The following KLHL15 variants were observed in gnomAD, a reference collection of about 807,000 sequenced individuals.
The protein encoded by KLHL15 is kelch like family member 15, also known as kelch-like protein 15.
A neutral mutation model predicts 29.3 loss-of-function variants in KLHL15; 1 was observed. The observed-to-expected ratio is 0.03, with a 90% CI of 0.01 to 0.16. The LOEUF (loss-of-function observed/expected upper bound fraction) is 0.16. Ranked by LOEUF, KLHL15 falls within the 10% of genes least tolerant of loss-of-function variation. The pLI is 1.00. For synonymous variants in KLHL15, 212 were observed against 184.5 expected (o/e 1.15, Z -1.21); for missense variants, 215 against 478.5 (o/e 0.45, Z 5.14).
chrX:24,004,725 G>GT lies in KLHL15; in HGVS notation c.705+1263dup, dbSNP rs1379846680. Reference sequence around the variant, plus strand: ...GAATCGCTTGAACCTGGGAGGCAGAGTTTGCAGCGAGCCAAGATCACGCCA... The same window carrying GT: ...GAATCGCTTGAACCTGGGAGGCAGAGTTTTGCAGCGAGCCAAGATCACGCCA... On this transcript the variant is annotated intron_variant, in intron 3 of 3. Coordinates refer to ENST00000328046, the MANE Select transcript of KLHL15 (RefSeq NM_030624.3). Among the ~76,000 whole-genome samples, 89 of 107,078 alleles carry GT rather than the reference G, an allele frequency of 8.3e-4. No homozygotes were observed. In the Admixed American group the frequency reaches 9.0e-3, roughly 11 times the overall value. The allele number at this position is 107,078 out of a possible 115,157, so 93.0% of individuals were successfully genotyped here. A position where few individuals can be genotyped will look rare whatever the true frequency, so the allele number is the denominator to read the frequency against.
intron 2 of KLHL15, among the ~76,000 whole-genome samples, chrX:24,009,055 T>G (rs777086646): frequency 1.8e-5 from 2 of 111,122 alleles, no homozygotes; most frequent in East Asian, 5.6e-4. Context: ...TCTCAAACAT[T>G]TGATGAAGAC....
intron 3 of KLHL15, among the ~76,000 whole-genome samples, chrX:23,998,210 C>T (rs1274384835): frequency 1.8e-5 from 2 of 111,328 alleles, no homozygotes; most frequent in Non-Finnish European, 3.8e-5. Flanking sequence ...ATCCGCCCGC[C>T]TTGGCTTCCC....
chrX:23,996,254 C>T (rs1234058279), intron 3 of KLHL15, among the ~76,000 whole-genome samples: 4 of 111,701 alleles, frequency 3.6e-5, no homozygotes, highest in Non-Finnish European at 7.5e-5. Context: ...CCTAATCGCT[C>T]GAATGACAAG....
chrX:23,988,990 C>T lies in KLHL15; in HGVS notation c.746G>A (p.Arg249His), dbSNP rs948817983. The T allele has an allele frequency of 8.3e-7, 1 of 1,208,449 alleles. No homozygotes were observed. ...ATTCAATGCTTGGTCAACTTCGTAACGGAGCTGTCGGGAGTATCTATAAAA... is the reference window on the plus strand; with the variant it reads ...ATTCAATGCTTGGTCAACTTCGTAATGGAGCTGTCGGGAGTATCTATAAAA... ...SEFYRYSRQL[R>H]YEVDQALNYF... The change falls in exon 4 of 4, where the codon CGT (arginine) becomes CAT (histidine). Residue 249 changes from arginine to histidine, a missense_variant. Arg to His is a conservative substitution (Grantham distance 29). Transcript: ENST00000328046.
At chrX:23,990,412 T>A (rs942205802) in intron 3 of KLHL15, among the ~76,000 whole-genome samples, 7 of 111,053 alleles carry the variant, frequency 6.3e-5, no homozygotes, top group Non-Finnish European at 1.3e-4. Context: ...GTGGAAGATA[T>A]AAGAAGTAGG....
Position 24,006,100 on chromosome X carries a change from G to A in KLHL15, c.594C>T (p.Tyr198=). The part of the protein sequence containing the change: ...HLSRFPEIEL[Y]EAVQSWLRHD... ...GCCGCAGCCAAGACTGCACAGCCTC[G>A]TACAGCTCTATCTCTGGGAACCTGC... is the stretch of plus-strand genomic sequence containing the variant. Residue 198 remains tyrosine, a synonymous_variant, in exon 3 of 4, where the codon TAC becomes TAT. Transcript: ENST00000328046. The A allele has an allele frequency of 1.7e-6, 2 of 1,210,604 alleles. No homozygotes were observed. The highest frequency in any genetic ancestry group is 2.2e-6 in the Non-Finnish European group (2 of 894,807).
At chrX:24,002,896 G>A (rs1929359315) in intron 3 of KLHL15, among the ~76,000 whole-genome samples, 1 of 112,672 alleles carries the variant, frequency 8.9e-6, no homozygotes, top group Admixed American at 9.4e-5. Context: ...CCAAAGTGCT[G>A]GGATTATAGG....
intron 2 of KLHL15, among the ~76,000 whole-genome samples, chrX:24,019,212 T>C (rs66624280): frequency 0.23 from 25,131 of 111,099 alleles, 3,307 homozygotes; most frequent in African/African-American, 0.5. Context: ...TTTAGAAAAG[T>C]TATTTTTCAT....
rs1928982391 is a variant in KLHL15, at chrX:23,986,226, T to C, written c.*1695A>G. On this transcript the variant is annotated 3_prime_UTR_variant, in exon 4 of 4. Transcript: ENST00000328046. ...CCCAAAAAACCCCCAAAAACCAAAG[T>C]CTTCACATTTCCATGACTTCACACT... 9.0e-6 allele frequency: 1 copy of C among 111,029 alleles called. No individual in the cohort carries two copies. Among genetic ancestry groups the C allele is most frequent in the Non-Finnish European group, 1.9e-5 (1 of 52,972 alleles). 9.2% of individuals were successfully genotyped at this position (111,029 alleles called of 1,213,427 possible).
chrX:24,018,437 GT>G (rs541575815), intron 2 of KLHL15, among the ~76,000 whole-genome samples: 2,345 of 102,094 alleles, frequency 0.023, 38 homozygotes, highest in Non-Finnish European at 0.03. Context: ...CAAATAGTAG[GT>G]TTTTTTTTTT....
intron 2 of KLHL15, among the ~76,000 whole-genome samples, chrX:24,018,028 T>C (rs772646053): frequency 9.4e-4 from 104 of 110,601 alleles, no homozygotes; most frequent in African/African-American, 3.3e-3. Flanking sequence ...TCGCTTGCGG[T>C]GAGGATGTCG....
At position 23,986,160 on chromosome X, in the gene KLHL15, T is replaced by C. The variant is rs746004121; in HGVS notation, c.*1761A>G. ...AACCCAAATGCCTCCAATTCTGGAGTTTGAAGATCAGGTTTAATCTCATAG... is the reference window on the plus strand; with the variant it reads ...AACCCAAATGCCTCCAATTCTGGAGCTTGAAGATCAGGTTTAATCTCATAG... On this transcript the variant is annotated 3_prime_UTR_variant, in exon 4 of 4. Coordinates refer to ENST00000328046, the MANE Select transcript of KLHL15 (RefSeq NM_030624.3). 2.7e-5 allele frequency: 3 copies of C among 110,867 alleles called. No individual in the cohort carries two copies. In the East Asian group the frequency reaches 8.4e-4, roughly 31 times the overall value. The allele number at this position is 110,867 out of a possible 1,213,427, so 9.1% of individuals were successfully genotyped here. A position where few individuals can be genotyped will look rare whatever the true frequency, so the allele number is the denominator to read the frequency against.
chrX:23,999,198 T>C (rs1301097995), intron 3 of KLHL15, among the ~76,000 whole-genome samples: 2 of 110,425 alleles, frequency 1.8e-5, no homozygotes, highest in Non-Finnish European at 3.8e-5. Flanking sequence ...CGTGAGCCAC[T>C]GCGCTTGGCC....
At chrX:24,010,155 C>T (rs188031793) in intron 2 of KLHL15, among the ~76,000 whole-genome samples, 50 of 111,273 alleles carry the variant, frequency 4.5e-4, no homozygotes, top group Middle Eastern at 9.2e-3. Context: ...ACTCCCACCC[C>T]ACTTGGACCT....
At chrX:24,022,769 G>T (rs1251461197) in intron 2 of KLHL15, among the ~76,000 whole-genome samples, 2 of 107,050 alleles carry the variant, frequency 1.9e-5, no homozygotes, top group Non-Finnish European at 3.9e-5. Flanking sequence ...GCCCAGGCTG[G>T]AGTGCAGTGC....
At chrX:24,016,293 TGG>T (rs1929678801) in intron 2 of KLHL15, among the ~76,000 whole-genome samples, 1 of 83,490 alleles carries the variant, frequency 1.2e-5, no homozygotes, top group Non-Finnish European at 2.1e-5. Context: ...TGAGCCGAGA[TGG>T]TGCCACTGCA....
chrX:24,004,311 G>A (rs1394780944), intron 3 of KLHL15, among the ~76,000 whole-genome samples: 2 of 108,883 alleles, frequency 1.8e-5, no homozygotes, highest in Non-Finnish European at 3.8e-5. Flanking sequence ...AGCTGAGATC[G>A]CAGCACTGCA....
At chrX:24,023,243 A>G (rs542741955) in intron 2 of KLHL15, among the ~76,000 whole-genome samples, 3 of 111,479 alleles carry the variant, frequency 2.7e-5, no homozygotes, top group South Asian at 7.5e-4. Context: ...ACCCGACTCG[A>G]GGTAGAGAGA....
intron 3 of KLHL15, among the ~76,000 whole-genome samples, chrX:24,001,403 C>G (rs1161497119): frequency 9.0e-6 from 1 of 111,236 alleles, no homozygotes; most frequent in Non-Finnish European, 1.9e-5. Context: ...ACTGAAGATA[C>G]CCTGGGTTCA....
Sources: allele counts gnomAD v4.1 joint callset (sites outside exome capture counted in the v4.1 genomes callset), GRCh38; gene constraint gnomAD v4.1.1; transcripts MANE v1.5; gene names NCBI Gene and HGNC (gene_info 2026-07-23, HGNC 2026-07-21).